ARHGAP18: variants seen among roughly 807,000 people sequenced by gnomAD.
The protein encoded by ARHGAP18 is Rho GTPase activating protein 18.
In ARHGAP18, 67 loss-of-function variants were observed where a neutral mutation model predicts 86.2. That is an observed-to-expected ratio of 0.78 (90% CI 0.64 to 0.95). The LOEUF (loss-of-function observed/expected upper bound fraction) is 0.95, where lower values mean the gene tolerates loss of function less well. Ranked by LOEUF, ARHGAP18 falls within the 40% of genes least tolerant of loss-of-function variation. The pLI, the probability that ARHGAP18 is intolerant of heterozygous loss-of-function variation, is 0.00. For synonymous variants in ARHGAP18, 283 were observed against 280.4 expected (o/e 1.01, Z -0.09); for missense variants, 691 against 780.4 (o/e 0.89, Z 1.37).
chr6:129,611,415 T>C (rs1788976878), intron 8 of ARHGAP18, 118 bp downstream of exon 8: 4 of 796,958 alleles, frequency 5.0e-6, no homozygotes, highest in African/African-American at 3.5e-5. Flanking sequence ...TTTTATTGTT[T>C]TATTTTATCT....
rs150003221 is a variant in ARHGAP18 at position 129,638,576 on chromosome 6, C to G, written c.370G>C (p.Gly124Arg). 6.2e-7 allele frequency: 1 copy of G among 1,614,118 alleles called. No homozygotes were observed. The highest frequency in any genetic ancestry group is 1.1e-5 in the South Asian group (1 of 91,082). The change falls in exon 3 of 15, where the codon GGA (glycine) becomes CGA (arginine). Residue 124 changes from glycine to arginine, a missense_variant. Physicochemically the swap from Gly to Arg is moderately radical, Grantham distance 125. Coordinates refer to ENST00000368149, the MANE Select transcript of ARHGAP18 (RefSeq NM_033515.3). ...TCCTGTGGATCTCCAGCAGACTCTC[C>G]GAAGAGATTGGATAAACCGGCCTCT... ...LKEAGLSNLF[G>R]ESAGDPQESI...
At chr6:129,685,005 C>A (rs888473114) in intron 1 of ARHGAP18, among the ~76,000 whole-genome samples, 2 of 152,138 alleles carry the variant, frequency 1.3e-5, no homozygotes, top group African/African-American at 2.4e-5. Flanking sequence ...AATAGAGAAA[C>A]GTCATTACTG....
At chr6:129,678,689 T>A (rs1774275662) in intron 1 of ARHGAP18, among the ~76,000 whole-genome samples, 1 of 152,176 alleles carries the variant, frequency 6.6e-6, no homozygotes, top group East Asian at 1.9e-4. Flanking sequence ...CATGCAGGGA[T>A]TGAGATTAAT....
At chr6:129,601,519 G>A (rs528070327) in intron 10 of ARHGAP18, among the ~76,000 whole-genome samples, 2 of 149,116 alleles carry the variant, frequency 1.3e-5, no homozygotes, top group South Asian at 2.1e-4. Context: ...AGAAAAGAGA[G>A]AAGAGAGAAA....
At chr6:129,649,390 T>C (rs1042746723) in intron 1 of ARHGAP18, among the ~76,000 whole-genome samples, 6 of 151,684 alleles carry the variant, frequency 4.0e-5, no homozygotes, top group African/African-American at 1.2e-4. Context: ...CTCGTCTCTA[T>C]TAAAAATACA....
At chr6:129,638,773 G>T in intron 2 of ARHGAP18, 144 bp from the exon 3 acceptor site, 1 of 731,678 alleles carries the variant, frequency 1.4e-6, no homozygotes, top group Non-Finnish European at 2.2e-6. Context: ...TTGGACAACT[G>T]CCATACACTC....
intron 12 of ARHGAP18, among the ~76,000 whole-genome samples, chr6:129,597,722 TAAGG>T (rs1788642728): frequency 6.8e-6 from 1 of 146,804 alleles, no homozygotes; most frequent in South Asian, 2.1e-4. Context: ...GAATTTCACA[TAAGG>T]AAAGAAAAAA....
chr6:129,659,449 A>G (rs1773905266), intron 1 of ARHGAP18, among the ~76,000 whole-genome samples: 1 of 146,862 alleles, frequency 6.8e-6, no homozygotes, highest in Non-Finnish European at 1.5e-5. Flanking sequence ...AGATAGGCCT[A>G]GAATTTTTTT....
In ARHGAP18 at chr6:129,600,633, T is replaced by A. The variant is rs1395625559; in HGVS notation, c.1572+9A>T. ...ACTACTAAGACCAAAGCATATGATATATACTTACTGTCCACAGAAGTTTTT... is the reference window on the plus strand; with the variant it reads ...ACTACTAAGACCAAAGCATATGATAAATACTTACTGTCCACAGAAGTTTTT... On this transcript the variant is annotated intron_variant, in intron 11 of 14. Coordinates refer to ENST00000368149, the MANE Select transcript of ARHGAP18 (RefSeq NM_033515.3). The A allele has an allele frequency of 8.7e-6, 14 of 1,610,168 alleles. No homozygotes were observed. Among genetic ancestry groups the A allele is most frequent in the Non-Finnish European group, 1.2e-5 (14 of 1,176,990 alleles).
rs569544030 is a variant in ARHGAP18, at chr6:129,599,376, A to C, written c.1573-20T>G. 15 of 1,458,426 alleles carry C rather than the reference A, an allele frequency of 1.0e-5. 1 individual carries two copies. The South Asian group carries it at 2.3e-4, about 22-fold the overall frequency. 90.3% of individuals were successfully genotyped at this position (1,458,426 alleles called of 1,614,324 possible). ...GGGAATCTATAGAGAAAAGGAATTAAGCTTAGAGAGGAAAAAGAAATGCCA... is the reference window on the plus strand; with the variant it reads ...GGGAATCTATAGAGAAAAGGAATTACGCTTAGAGAGGAAAAAGAAATGCCA... On this transcript the variant is annotated intron_variant, in intron 11 of 14. Transcript: ENST00000368149.
intron 1 of ARHGAP18, among the ~76,000 whole-genome samples, chr6:129,665,620 G>A (rs1003053578): frequency 3.3e-5 from 5 of 152,138 alleles, no homozygotes; most frequent in South Asian, 2.1e-4. Flanking sequence ...TATGTTCTGC[G>A]AAAGAACCTT....
At position 129,590,491 on chromosome 6, in the gene ARHGAP18, G is replaced by A. The variant is rs184296521; in HGVS notation, c.1714-6379C>T. Among the ~76,000 whole-genome samples, 82 of 152,254 alleles carry A rather than the reference G, an allele frequency of 5.4e-4. 1 individual carries two copies. In the Middle Eastern group the frequency reaches 0.01, roughly 19 times the overall value. On this transcript the variant is annotated intron_variant, in intron 12 of 14. Coordinates refer to ENST00000368149, the MANE Select transcript of ARHGAP18 (RefSeq NM_033515.3). Reference sequence around the variant, plus strand: ...GACATATTATGGGGTACACAGGCTGGTTTTTGCCAAGATGGGAAGCAGCAT... The same window carrying A: ...GACATATTATGGGGTACACAGGCTGATTTTTGCCAAGATGGGAAGCAGCAT...
chr6:129,578,517 A>G lies in ARHGAP18; in HGVS notation c.1988T>C (p.Leu663Ser). Residue 663 changes from leucine to serine, a missense_variant, in exon 15 of 15, where the codon TTG (leucine) becomes TCG (serine). Leu to Ser is a moderately radical substitution (Grantham distance 145). Coordinates refer to ENST00000368149, the MANE Select transcript of ARHGAP18 (RefSeq NM_033515.3). ...ATCTGCAGCTTGTTAAGTCTTCTAC[A>G]ATGGCTTTGACTTTATAACCCACTC... is the stretch of plus-strand genomic sequence containing the variant. Reference protein sequence around the residue: ...NAEWVIKSKPL With the variant: ...NAEWVIKSKPS 1.2e-6 allele frequency: 2 copies of G among 1,610,656 alleles called. No individual in the cohort carries two copies. Among genetic ancestry groups the G allele is most frequent in the Non-Finnish European group, 1.7e-6 (2 of 1,177,818 alleles).
chr6:129,620,567 C>T, intron 5 of ARHGAP18, among the ~76,000 whole-genome samples: 1 of 152,148 alleles, frequency 6.6e-6, no homozygotes, highest in Admixed American at 6.5e-5. Context: ...ATTACAATTC[C>T]ATTGTGTTTA....
At chr6:129,669,946 TGCTAAATA>T (rs1334768549) in intron 1 of ARHGAP18, among the ~76,000 whole-genome samples, 2 of 152,218 alleles carry the variant, frequency 1.3e-5, no homozygotes, top group Non-Finnish European at 2.9e-5. Flanking sequence ...ATAAAAGTTA[TGCTAAATA>T]TATTCACTAT....
chr6:129,691,161 T>C (rs1187043557), intron 1 of ARHGAP18, among the ~76,000 whole-genome samples: 1 of 152,176 alleles, frequency 6.6e-6, no homozygotes, highest in Non-Finnish European at 1.5e-5. Context: ...AGTATGTTTA[T>C]GGGGGAAGGA....
At chr6:129,653,008 T>A (rs1773748362) in intron 1 of ARHGAP18, among the ~76,000 whole-genome samples, 1 of 151,780 alleles carries the variant, frequency 6.6e-6, no homozygotes, top group African/African-American at 2.4e-5. Context: ...ATGGTGAATT[T>A]AAAAAAAAAT....
At chr6:129,680,194 A>AT (rs560690736) in intron 1 of ARHGAP18, among the ~76,000 whole-genome samples, 114 of 152,326 alleles carry the variant, frequency 7.5e-4, no homozygotes, top group African/African-American at 2.7e-3. Flanking sequence ...CTTTTTAAAA[A>AT]TTTTTGGAAG....
At chr6:129,602,820 T>C (rs541229201) in intron 10 of ARHGAP18, among the ~76,000 whole-genome samples, 9 of 152,132 alleles carry the variant, frequency 5.9e-5, no homozygotes, top group Non-Finnish European at 1.0e-4. Context: ...CATTAGGTAA[T>C]AAACCGTTTT....
Sources: allele counts gnomAD v4.1 joint callset (sites outside exome capture counted in the v4.1 genomes callset), GRCh38; gene constraint gnomAD v4.1.1; transcripts MANE v1.5; gene names NCBI Gene and HGNC (gene_info 2026-07-23, HGNC 2026-07-21).